ATP13A1: variants seen among roughly 807,000 people sequenced by gnomAD.
The protein encoded by ATP13A1 is ATPase 13A1.
Under a neutral mutation model 134.8 loss-of-function variants are expected in ATP13A1, and 55 were observed. That is an observed-to-expected ratio of 0.41 (90% CI 0.33 to 0.51). The LOEUF (loss-of-function observed/expected upper bound fraction) is 0.51. ATP13A1 is among the 20% of genes least tolerant of loss of function. The pLI is 0.29. For missense variants in ATP13A1, 1,389 were observed against 1,652.8 expected (o/e 0.84, Z 2.77); for synonymous variants, 775 against 725.1 (o/e 1.07, Z -1.10).
chr19:19,661,303 C>T (rs1216896803), intron 1 of ATP13A1, among the ~76,000 whole-genome samples: 1 of 152,162 alleles, frequency 6.6e-6, no homozygotes, highest in East Asian at 1.9e-4. Flanking sequence ...AGGCCCCCGG[C>T]CTCCTGCTCA....
At position 19,663,589 on chromosome 19, in the gene ATP13A1, G is replaced by T; in HGVS notation, c.78C>A (p.Pro26=). ...RPCGVRPDGQ[P]KPGPQPRALL... ...GCGCGCGCGGCTGCGGCCCGGGCTT[G>T]GGCTGCCCGTCAGGCCGGACCCCGC... Residue 26 remains proline, a synonymous_variant, in exon 1 of 26, where the codon CCC becomes CCA. Coordinates refer to ENST00000357324, the MANE Select transcript of ATP13A1 (RefSeq NM_020410.3). The T allele has an allele frequency of 6.8e-7, 1 of 1,461,728 alleles. No homozygotes were observed. The highest frequency in any genetic ancestry group is 9.0e-7 in the Non-Finnish European group (1 of 1,117,150). 90.5% of individuals were successfully genotyped at this position (1,461,728 alleles called of 1,614,324 possible).
chr19:19,657,547 C>A (rs548899477), intron 3 of ATP13A1, 139 bp from the exon 4 acceptor site: 1 of 814,712 alleles, frequency 1.2e-6, no homozygotes, highest in Non-Finnish European at 1.8e-6. Context: ...GGAGCCCTGG[C>A]GAGCTTCCAG....
In ATP13A1 at chr19:19,645,383, C is replaced by T. The variant is rs762077821; in HGVS notation, c.*39G>A. On this transcript the variant is annotated 3_prime_UTR_variant, in exon 26 of 26. Transcript: ENST00000357324. This position sits in a 1 kb window ranked among gnomAD's most constrained non-coding sequence, Gnocchi z 4.1. ...GGGCCCTGTTGGGGTTCCCGCCCAG[C>T]GGCAGCCAGGGTGGGCAGTGGGTAC... 4.8e-5 allele frequency: 75 copies of T among 1,558,282 alleles called. No homozygotes were observed. The highest frequency in any genetic ancestry group is 1.4e-4 in the East Asian group (6 of 41,816).
chr19:19,661,878 G>A (rs2062096974), intron 1 of ATP13A1, among the ~76,000 whole-genome samples: 1 of 152,184 alleles, frequency 6.6e-6, no homozygotes, highest in African/African-American at 2.4e-5. Flanking sequence ...AACTACAAAC[G>A]TGACGTCACG....
rs2061997249 is a variant in ATP13A1 at position 19,647,938 on chromosome 19, C to A, written c.2633-179G>T. On this transcript the variant is annotated intron_variant, in intron 19 of 25. Transcript: ENST00000357324. This position sits in a 1 kb window ranked among gnomAD's most constrained non-coding sequence, Gnocchi z 4.8. Reference sequence around the variant, plus strand: ...CAGAGAGTGCCCGTGTTGCTTTCTACAAACTACTTTAAGAAAACAAACCAC... The same window carrying A: ...CAGAGAGTGCCCGTGTTGCTTTCTAAAAACTACTTTAAGAAAACAAACCAC... Among the ~76,000 whole-genome samples, 1 of 152,166 alleles carries A rather than the reference C, an allele frequency of 6.6e-6. No individual in the cohort carries two copies. Among genetic ancestry groups the A allele is most frequent in the Non-Finnish European group, 1.5e-5 (1 of 68,020 alleles).
Position 19,646,214 on chromosome 19 carries a change from C to T in ATP13A1, c.3239G>A (p.Ser1080Asn). 1.9e-6 allele frequency: 3 copies of T among 1,613,808 alleles called. No individual in the cohort carries two copies. The highest frequency in any genetic ancestry group is 2.2e-5 in the South Asian group (2 of 91,056). ...CCAAGGCAGCACTTACTTCTCGGGG[C>T]TCCGGGCCTGGGCCTCACGGTACAG... ...VYLYREAQAR[S>N]PEKQEQFVDL... Residue 1080 changes from serine (S) to asparagine (N), a missense_variant, in exon 23 of 26, where the codon AGC becomes AAC. Ser to Asn is a conservative substitution (Grantham distance 46). This residue lies in a region of ATP13A1 where 228 missense variants were observed against 321.0 expected (regional missense o/e 0.71). Coordinates refer to ENST00000357324, the MANE Select transcript of ATP13A1 (RefSeq NM_020410.3).
At position 19,653,568 on chromosome 19, in the gene ATP13A1, CCTGCGTGTGCT is replaced by C. The variant is rs1219565393; in HGVS notation, c.2100+205_2100+215del. The C allele has an allele frequency of 1.7e-6, 1 of 593,778 alleles. No homozygotes were observed. The highest frequency in any genetic ancestry group is 1.9e-5 in the African/African-American group (1 of 53,768). 36.8% of individuals were successfully genotyped at this position (593,778 alleles called of 1,614,324 possible). On this transcript the variant is annotated intron_variant, in intron 15 of 25. Transcript: ENST00000357324. This position sits in a 1 kb window ranked among gnomAD's most constrained non-coding sequence, Gnocchi z 4.2. The stretch of plus-strand genomic sequence containing the variant: ...CACACCAGGACTGGGGCAGGTAAGC[CCTGCGTGTGCT>C]CTGCGTGAGCCAGGACTGGGTGGGT...
chr19:19,654,177 T>A, intron 13 of ATP13A1, 33 bp from the exon 14 acceptor site: 1 of 1,554,698 alleles, frequency 6.4e-7, no homozygotes, highest in Non-Finnish European at 8.7e-7. Context: ...CCTGAGGGGC[T>A]TTGCTCCAAA....
Position 19,656,611 on chromosome 19 carries a change from G to T in ATP13A1, c.1083+49C>A. The T allele has an allele frequency of 6.3e-7, 1 of 1,575,422 alleles. No individual in the cohort carries two copies. Among genetic ancestry groups the T allele is most frequent in the Non-Finnish European group, 8.6e-7 (1 of 1,156,704 alleles). ...CCACCCCCTGGGCCTCCACCTCCTGGCCTGTTTCCTCCTGAACAGCTTGAG... is the reference window on the plus strand; with the variant it reads ...CCACCCCCTGGGCCTCCACCTCCTGTCCTGTTTCCTCCTGAACAGCTTGAG... On this transcript the variant is annotated intron_variant, in intron 7 of 25. Transcript: ENST00000357324. The surrounding 1 kb of genome is among the most constrained non-coding windows in gnomAD (Gnocchi z 4.6).
In ATP13A1 at chr19:19,651,575, G is replaced by A. The variant is rs571432024; in HGVS notation, c.2335+114C>T. The A allele has an allele frequency of 6.7e-5, 49 of 730,050 alleles. 1 individual carries two copies. Among genetic ancestry groups the A allele is most frequent in the Non-Finnish European group, 9.1e-5 (42 of 461,944 alleles). 45.2% of individuals were successfully genotyped at this position (730,050 alleles called of 1,614,324 possible). ...CCAGGGCTGTGATTAGTGGTGCCAG[G>A]CATTTGAAGACACTGTGCTGCTGAG... On this transcript the variant is annotated intron_variant, in intron 17 of 25. Transcript: ENST00000357324.
chr19:19,654,676 C>T lies in ATP13A1; in HGVS notation c.1680G>A (p.Val560=). ...GLRDGKEVTP[V]SSIPVETHRA... is the part of the protein sequence containing the mutation. ...GGTGTGTTTCTACAGGGATGCTGGA[C>T]ACTGGGGTCACCTCCTTCCCGTCTC... Residue 560 remains valine, a synonymous_variant, in exon 13 of 26, where the codon GTG becomes GTA. Transcript: ENST00000357324. 1 of 1,612,960 alleles carries T rather than the reference C, an allele frequency of 6.2e-7. No individual in the cohort carries two copies. Among genetic ancestry groups the T allele is most frequent in the Non-Finnish European group, 8.5e-7 (1 of 1,179,656 alleles).
At chr19:19,663,114 G>A (rs884480) in intron 1 of ATP13A1, 157 bp downstream of exon 1, 173,012 of 1,120,538 alleles carry the variant, frequency 0.15, 14,429 homozygotes, top group Middle Eastern at 0.27. Flanking sequence ...GTGGGGTCAT[G>A]ATTAAGCCTG....
chr19:19,647,568 G>A lies in ATP13A1; in HGVS notation c.2793+31C>T. On this transcript the variant is annotated intron_variant, in intron 20 of 25. Coordinates refer to ENST00000357324, the MANE Select transcript of ATP13A1 (RefSeq NM_020410.3). This position sits in a 1 kb window ranked among gnomAD's most constrained non-coding sequence, Gnocchi z 4.8. ...GCAGGCTGTCAGCCCTGGCCAGGAT[G>A]GGGTGCAGCACCTCCCCTCTTGGGA... The A allele has an allele frequency of 6.2e-7, 1 of 1,612,788 alleles. No individual in the cohort carries two copies. Among genetic ancestry groups the A allele is most frequent in the Non-Finnish European group, 8.5e-7 (1 of 1,179,322 alleles).
chr19:19,653,508 T>C lies in ATP13A1; in HGVS notation c.2100+276A>G, dbSNP rs2062037548. The C allele has an allele frequency of 6.1e-6, 3 of 495,130 alleles. No individual in the cohort carries two copies. The highest frequency in any genetic ancestry group is 7.2e-6 in the Non-Finnish European group (2 of 279,316). The allele number at this position is 495,130 out of a possible 1,614,324, so 30.7% of individuals were successfully genotyped here. A position where few individuals can be genotyped will look rare whatever the true frequency, so the allele number is the denominator to read the frequency against. On this transcript the variant is annotated intron_variant, in intron 15 of 25. Transcript: ENST00000357324. This position sits in a 1 kb window ranked among gnomAD's most constrained non-coding sequence, Gnocchi z 4.2. ...GAGGGCTGAGGATGCCACCTAGCCC[T>C]GCCCAAGACCAGGGCAAAAGAGTAG... is the stretch of plus-strand genomic sequence containing the variant.
Position 19,647,496 on chromosome 19 carries a change from C to A in ATP13A1, c.2826G>T (p.Glu942Asp). Residue 942 changes from glutamate (E) to aspartate (D), a missense_variant, in exon 21 of 26, where the codon GAG becomes GAT. Physicochemically the swap from Glu to Asp is conservative, Grantham distance 45. Around this residue, in one of 4 missense-constraint regions of ATP13A1, gnomAD observed 121 missense variants for 104.9 expected, o/e 1.15. Coordinates refer to ENST00000357324, the MANE Select transcript of ATP13A1 (RefSeq NM_020410.3). This position sits in a 1 kb window ranked among gnomAD's most constrained non-coding sequence, Gnocchi z 4.8. Reference protein sequence around the residue: ...DRLSQVLRDLEDESTPIVKLG... With the variant: ...DRLSQVLRDLDDESTPIVKLG... ...GTTTCACAATGGGCGTACTCTCGTCCTCGAGGTCTCGCAGCACCTGGCTCA... is the reference window on the plus strand; with the variant it reads ...GTTTCACAATGGGCGTACTCTCGTCATCGAGGTCTCGCAGCACCTGGCTCA... 2.5e-6 allele frequency: 4 copies of A among 1,613,154 alleles called. No individual in the cohort carries two copies. Among genetic ancestry groups the A allele is most frequent in the Non-Finnish European group, 3.4e-6 (4 of 1,179,540 alleles).
At chr19:19,660,264 T>G (rs1453605359) in intron 1 of ATP13A1, among the ~76,000 whole-genome samples, 2 of 148,252 alleles carry the variant, frequency 1.3e-5, no homozygotes. Flanking sequence ...GGCGGATCAC[T>G]TGAGATCAGG....
chr19:19,649,985 G>A lies in ATP13A1; in HGVS notation c.2336-45C>T, dbSNP rs1171339107. 6 of 1,513,054 alleles carry A rather than the reference G, an allele frequency of 4.0e-6. No homozygotes were observed. The African/African-American group carries it at 8.3e-5, about 21-fold the overall frequency. 93.7% of individuals were successfully genotyped at this position (1,513,054 alleles called of 1,614,324 possible). ...TTAGGGCTGGGGGCTTGGCTGACCG[G>A]GCTCAGAAGCACCCTCCCTCCACTC... On this transcript the variant is annotated intron_variant, in intron 17 of 25. Transcript: ENST00000357324.
chr19:19,646,294 G>A lies in ATP13A1; in HGVS notation c.3159C>T (p.Tyr1053=). 1.9e-6 allele frequency: 3 copies of A among 1,613,982 alleles called. No homozygotes were observed. The highest frequency in any genetic ancestry group is 1.7e-6 in the Non-Finnish European group (2 of 1,179,862). ...ERPLPNIFNL[Y]TILTVMLQFF... ...ACTGGAGCATGACGGTGAGGATGGT[G>A]TACAGGTTGAAGATGTTGGGCAGGG... is the stretch of plus-strand genomic sequence containing the variant. The change falls in exon 23 of 26, where the codon TAC becomes TAT. Residue 1053 remains tyrosine, a synonymous_variant. Coordinates refer to ENST00000357324, the MANE Select transcript of ATP13A1 (RefSeq NM_020410.3).
Position 19,649,764 on chromosome 19 carries a change from CG to C in ATP13A1, c.2511del (p.Phe837LeufsTer16). 6.2e-7 allele frequency: 1 copy of C among 1,600,236 alleles called. No individual in the cohort carries two copies. Among genetic ancestry groups the C allele is most frequent in the Non-Finnish European group, 8.5e-7 (1 of 1,173,340 alleles). ...LLRLIPHVQV[F>X]ARVAPKQKEF... is the part of the protein sequence containing the mutation. ...ACCTTCTGCTTGGGAGCCACACGGG[CG>C]AACACCTGCACATGGGGGATGAGGC... On this transcript the variant is annotated frameshift_variant, in exon 18 of 26. Coordinates refer to ENST00000357324, the MANE Select transcript of ATP13A1 (RefSeq NM_020410.3). LOFTEE classifies it high-confidence loss of function.
Sources: gnomAD v4.1 joint callset for allele counts (sites outside exome capture counted in the v4.1 genomes callset) on GRCh38, gnomAD v4.1.1 for gene constraint, gnomAD v4.1.1 regional missense constraint, Gnocchi (gnomAD v3.1) non-coding constraint, MANE v1.5 for transcripts, NCBI Gene and HGNC (gene_info 2026-07-23, HGNC 2026-07-21) for gene names.